Variants in WWOX observed in about 807,000 individuals in gnomAD.
WWOX encodes WW domain-containing oxidoreductase.
In WWOX, 69 loss-of-function variants were observed where a neutral mutation model predicts 46.2. The observed-to-expected ratio is 1.49, with a 90% confidence interval of 1.23 to 1.82. The LOEUF is 1.82. WWOX is among the 40% of genes most tolerant of loss of function. The probability of loss-of-function intolerance (pLI) is 0.00; values close to 1 mark genes in which losing one functional copy is unlikely to be tolerated. For synonymous variants in WWOX, 359 were observed against 202.6 expected (o/e 1.77, Z -6.56); for missense variants, 919 against 542.6 (o/e 1.69, Z -6.89).
At chr16:78,678,412 G>C (rs2047653976) in intron 8 of WWOX, among the ~76,000 whole-genome samples, 1 of 152,180 alleles carries the variant, frequency 6.6e-6, no homozygotes, top group Non-Finnish European at 1.5e-5. Context: ...ATAAATGAAT[G>C]AATGGATTAT....
At chr16:78,426,873 A>G (rs2083091777) in intron 7 of WWOX, among the ~76,000 whole-genome samples, 2 of 152,186 alleles carry the variant, frequency 1.3e-5, no homozygotes, top group African/African-American at 2.4e-5. Flanking sequence ...CATGTTGGCC[A>G]GGATGGTCTC....
chr16:79,125,364 A>G (rs2049729250), intron 8 of WWOX, among the ~76,000 whole-genome samples: 1 of 152,194 alleles, frequency 6.6e-6, no homozygotes, highest in Admixed American at 6.5e-5. Context: ...ATAGCATGGG[A>G]AAGTAAATGG....
chr16:78,790,801 C>T (rs965320934), intron 8 of WWOX, among the ~76,000 whole-genome samples: 14 of 152,038 alleles, frequency 9.2e-5, no homozygotes, highest in African/African-American at 3.1e-4. Flanking sequence ...GGGAGGATCA[C>T]TTAAGCCTAG....
chr16:78,413,323 A>T (rs1347959138), intron 6 of WWOX, among the ~76,000 whole-genome samples: 1 of 152,174 alleles, frequency 6.6e-6, no homozygotes, highest in African/African-American at 2.4e-5. Context: ...TGTGAACAAC[A>T]AGGCTGTTTA....
intron 8 of WWOX, among the ~76,000 whole-genome samples, chr16:78,596,748 G>A (rs748288156): frequency 4.6e-5 from 7 of 152,120 alleles, no homozygotes; most frequent in Non-Finnish European, 8.8e-5. Flanking sequence ...TTAAGTGAAC[G>A]AAGGGTGCAT....
At chr16:78,541,636 T>C (rs1567632162) in intron 8 of WWOX, among the ~76,000 whole-genome samples, 1 of 152,026 alleles carries the variant, frequency 6.6e-6, no homozygotes, top group Non-Finnish European at 1.5e-5. Context: ...AGACCTGGGA[T>C]CAAATCCCGC....
chr16:79,046,120 T>C (rs555989839), intron 8 of WWOX, among the ~76,000 whole-genome samples: 16 of 152,262 alleles, frequency 1.1e-4, no homozygotes, highest in Non-Finnish European at 7.4e-5. Context: ...CTTTTCTATA[T>C]TGTAGGGATA....
At chr16:78,969,269 CT>C (rs71384387) in intron 8 of WWOX, among the ~76,000 whole-genome samples, 172 of 142,572 alleles carry the variant, frequency 1.2e-3, no homozygotes, top group African/African-American at 2.8e-3. Flanking sequence ...CTCTCTCTCT[CT>C]TTTTTTTTTT....
At chr16:78,904,186 C>CAATT (rs1454412723) in intron 8 of WWOX, among the ~76,000 whole-genome samples, 1 of 149,290 alleles carries the variant, frequency 6.7e-6, no homozygotes, top group African/African-American at 2.5e-5. Context: ...CAGAAGTTAG[C>CAATT]AGTTACAGGT....
chr16:79,182,242 C>A (rs1457660419), intron 8 of WWOX, among the ~76,000 whole-genome samples: 1 of 151,964 alleles, frequency 6.6e-6, no homozygotes, highest in Non-Finnish European at 1.5e-5. Flanking sequence ...GGGCTGTACA[C>A]GTCTTTGTAC....
intron 6 of WWOX, among the ~76,000 whole-genome samples, chr16:78,416,461 T>C (rs1037500133): frequency 6.6e-6 from 1 of 152,210 alleles, no homozygotes; most frequent in Non-Finnish European, 1.5e-5. Context: ...AGGATACATA[T>C]TTTGCCTCTG....
intron 8 of WWOX, among the ~76,000 whole-genome samples, chr16:79,150,716 A>G (rs1271345863): frequency 1.3e-5 from 2 of 152,166 alleles, no homozygotes; most frequent in African/African-American, 2.4e-5. Context: ...TATGTTGTCC[A>G]GGCCACCCTG....
At chr16:79,022,371 C>T (rs964124965) in intron 8 of WWOX, among the ~76,000 whole-genome samples, 5 of 148,226 alleles carry the variant, frequency 3.4e-5, no homozygotes, top group South Asian at 2.1e-4. Flanking sequence ...AAAAAAGTCC[C>T]GCTTGTTATC....
intron 8 of WWOX, among the ~76,000 whole-genome samples, chr16:78,930,051 G>C (rs77122852): frequency 0.035 from 5,296 of 152,144 alleles, 120 homozygotes; most frequent in Non-Finnish European, 0.051. Context: ...TCTTGGGCGT[G>C]TCCTTAGGGG....
At chr16:78,980,714 A>C (rs1464180829) in intron 8 of WWOX, among the ~76,000 whole-genome samples, 2 of 152,182 alleles carry the variant, frequency 1.3e-5, no homozygotes, top group African/African-American at 4.8e-5. Context: ...GACCCGGATC[A>C]GCTCCATTCT....
chr16:78,416,634 A>G (rs1006716135), intron 6 of WWOX, among the ~76,000 whole-genome samples: 11 of 152,252 alleles, frequency 7.2e-5, no homozygotes, highest in African/African-American at 2.7e-4. Flanking sequence ...AGGCAAGAAT[A>G]AAAGTAACTA....
intron 8 of WWOX, among the ~76,000 whole-genome samples, chr16:78,568,760 C>T (rs919914053): frequency 5.3e-5 from 8 of 152,250 alleles, no homozygotes; most frequent in African/African-American, 1.7e-4. Context: ...CAGGCATGAG[C>T]CACAGCGTCC....
chr16:78,835,232 A>G (rs1250616935), intron 8 of WWOX, among the ~76,000 whole-genome samples: 2 of 152,164 alleles, frequency 1.3e-5, no homozygotes, highest in Non-Finnish European at 2.9e-5. Flanking sequence ...AACAAGTGCC[A>G]GCATTCTAGT....
At chr16:79,085,799 A>G (rs1461259530) in intron 8 of WWOX, among the ~76,000 whole-genome samples, 1 of 152,162 alleles carries the variant, frequency 6.6e-6, no homozygotes, top group African/African-American at 2.4e-5. Flanking sequence ...TAATCCCAGC[A>G]CTTGCGGAAG....
Sources: gnomAD v4.1 joint callset for allele counts (sites outside exome capture counted in the v4.1 genomes callset) on GRCh38, gnomAD v4.1.1 for gene constraint, MANE v1.5 for transcripts, NCBI Gene and HGNC (gene_info 2026-07-23, HGNC 2026-07-21) for gene names.